GALNT18: variants seen among roughly 807,000 people sequenced by gnomAD.
GALNT18 encodes polypeptide N-acetylgalactosaminyltransferase 18.
Under a neutral mutation model 69.5 loss-of-function variants are expected in GALNT18, and 44 were observed. That is an observed-to-expected ratio of 0.63 (90% CI 0.50 to 0.81). The LOEUF (loss-of-function observed/expected upper bound fraction) is 0.81. Among genes scored for constraint, GALNT18 ranks in the 40% least tolerant of loss-of-function variants. The probability of loss-of-function intolerance (pLI) is 0.00; values close to 1 mark genes in which losing one functional copy is unlikely to be tolerated. For synonymous variants in GALNT18, 364 were observed against 318.2 expected, an observed-to-expected ratio of 1.14 and a Z score of -1.53; for missense variants, 715 against 810.0, an observed-to-expected ratio of 0.88 and a Z score of 1.42.
intron 2 of GALNT18, among the ~76,000 whole-genome samples, chr11:11,440,638 G>GT (rs1855514275): frequency 6.6e-6 from 1 of 152,240 alleles, no homozygotes; most frequent in Admixed American, 6.5e-5. Flanking sequence ...TGCAGTGCCT[G>GT]TCTGGCCCTG....
At chr11:11,272,803 T>TG (rs1564872673) in intron 10 of GALNT18, among the ~76,000 whole-genome samples, 1 of 152,286 alleles carries the variant, frequency 6.6e-6, no homozygotes, top group East Asian at 1.9e-4. Flanking sequence ...TTTGTGCCTT[T>TG]TCCAGCTCAC....
At chr11:11,334,754 C>G (rs888672991) in intron 7 of GALNT18, among the ~76,000 whole-genome samples, 5 of 152,160 alleles carry the variant, frequency 3.3e-5, no homozygotes, top group African/African-American at 4.8e-5. Context: ...GCCTTCTCTG[C>G]AACTGTTATC....
chr11:11,554,099 G>C (rs1283426811), intron 1 of GALNT18, among the ~76,000 whole-genome samples: 2 of 152,180 alleles, frequency 1.3e-5, no homozygotes, highest in Admixed American at 6.5e-5. Context: ...CTCCCCGGTG[G>C]TCACCACTCC....
intron 1 of GALNT18, among the ~76,000 whole-genome samples, chr11:11,464,884 A>G (rs1274927857): frequency 6.6e-6 from 1 of 152,216 alleles, no homozygotes; most frequent in Admixed American, 6.5e-5. Flanking sequence ...TGAGGACTGA[A>G]TAAGTTAATA....
rs768078450 is a variant in GALNT18, at chr11:11,563,313, G to A, written c.235+58046C>T. Among the ~76,000 whole-genome samples, 4 of 152,038 alleles carry A rather than the reference G, an allele frequency of 2.6e-5. No homozygotes were observed. Among genetic ancestry groups the A allele is most frequent in the Admixed American group, 6.5e-5 (1 of 15,276 alleles). On this transcript the variant is annotated intron_variant, in intron 1 of 10. Coordinates refer to ENST00000227756, the MANE Select transcript of GALNT18 (RefSeq NM_198516.3). This position sits in a 1 kb window ranked among gnomAD's most constrained non-coding sequence, Gnocchi z 4.6. Reference sequence around the variant, plus strand: ...GCTCCATCTGCAGTCTTTTCTTTCCGGAAGCTTTGCTCCAGTCATCTAAGT... The same window carrying A: ...GCTCCATCTGCAGTCTTTTCTTTCCAGAAGCTTTGCTCCAGTCATCTAAGT...
At chr11:11,353,089 C>T (rs539005921) in intron 6 of GALNT18, 1 of 1,614,066 alleles carries the variant, frequency 6.2e-7, no homozygotes, top group Non-Finnish European at 8.5e-7. Context: ...TCTGTGTAAA[C>T]TCTGGCCCTG....
rs551113087 is a variant in GALNT18, at chr11:11,538,556, C to G, written c.235+82803G>C. Among the ~76,000 whole-genome samples, 2 of 152,272 alleles carry G rather than the reference C, an allele frequency of 1.3e-5. No individual in the cohort carries two copies. The highest frequency in any genetic ancestry group is 4.1e-4 in the South Asian group (2 of 4,828). On this transcript the variant is annotated intron_variant, in intron 1 of 10. Transcript: ENST00000227756. This position sits in a 1 kb window ranked among gnomAD's most constrained non-coding sequence, Gnocchi z 5.2. ...ACTTTTCCCTGCTTGCACCAACAAC[C>G]CGATAGCCCTGGAGCTCGCGGCACT...
chr11:11,307,094 A>G (rs1010721273), intron 9 of GALNT18, among the ~76,000 whole-genome samples: 1 of 152,232 alleles, frequency 6.6e-6, no homozygotes, highest in Non-Finnish European at 1.5e-5. Flanking sequence ...AGTTGACCAC[A>G]GATGCCTGAG....
At position 11,621,973 on chromosome 11, in the gene GALNT18, G is replaced by T. The variant is rs1045373081; in HGVS notation, c.-380C>A. The T allele has an allele frequency of 1.7e-5, 3 of 172,230 alleles. No individual in the cohort carries two copies. The highest frequency in any genetic ancestry group is 3.7e-5 in the Non-Finnish European group (3 of 81,662). 10.7% of individuals were successfully genotyped at this position (172,230 alleles called of 1,614,324 possible). On this transcript the variant is annotated 5_prime_UTR_variant, in exon 1 of 11. Coordinates refer to ENST00000227756, the MANE Select transcript of GALNT18 (RefSeq NM_198516.3). The surrounding 1 kb of genome is among the most constrained non-coding windows in gnomAD (Gnocchi z 9.3). The stretch of plus-strand genomic sequence containing the variant: ...CATCGCCAGCGCCGGCTGCCTTGGC[G>T]GTCCGACCGGCCCGCGCTGCTAGGA...
rs183177841 is a variant in GALNT18, at chr11:11,363,190, G to T, written c.1092+9325C>A. Among the ~76,000 whole-genome samples, 5 of 152,136 alleles carry T rather than the reference G, an allele frequency of 3.3e-5. No individual in the cohort carries two copies. In the East Asian group the frequency reaches 9.7e-4, roughly 29 times the overall value. On this transcript the variant is annotated intron_variant, in intron 6 of 10. Transcript: ENST00000227756. ...TAGAAAACAGGATGAAGAGAACAAC[G>T]CTGAAAGTTCCTTATTTTGTAGATT...
intron 6 of GALNT18, among the ~76,000 whole-genome samples, chr11:11,354,086 A>G (rs1850476018): frequency 6.6e-6 from 1 of 152,356 alleles, no homozygotes; most frequent in African/African-American, 2.4e-5. Flanking sequence ...AACTCAGATT[A>G]TAAACACTGG....
chr11:11,359,091 C>T (rs1313199943), intron 6 of GALNT18, among the ~76,000 whole-genome samples: 1 of 140,190 alleles, frequency 7.1e-6, no homozygotes, highest in South Asian at 2.2e-4. Flanking sequence ...GTCCCCAGAC[C>T]CCCTTCTCCT....
intron 1 of GALNT18, among the ~76,000 whole-genome samples, chr11:11,561,256 T>C (rs1264662328): frequency 6.6e-6 from 1 of 152,008 alleles, no homozygotes; most frequent in African/African-American, 2.4e-5. Flanking sequence ...CTTCTCTTAA[T>C]AGAAATCCAG....
rs1849786896 is a variant in GALNT18, at chr11:11,318,132, G to C, written c.1512+8954C>G. ...ACCATGTCTGGCCAGTGAAATGAGAGAGGAAGTGATGGGAGACCCTTTTTG... is the reference window on the plus strand; with the variant it reads ...ACCATGTCTGGCCAGTGAAATGAGACAGGAAGTGATGGGAGACCCTTTTTG... On this transcript the variant is annotated intron_variant, in intron 9 of 10. Coordinates refer to ENST00000227756, the MANE Select transcript of GALNT18 (RefSeq NM_198516.3). The surrounding 1 kb of genome is among the most constrained non-coding windows in gnomAD (Gnocchi z 5.1). 2.0e-5 allele frequency among the ~76,000 whole-genome samples: 3 copies of C among 152,218 alleles called. No individual in the cohort carries two copies. The highest frequency in any genetic ancestry group is 7.2e-5 in the African/African-American group (3 of 41,460).
chr11:11,454,544 A>G lies in GALNT18; in HGVS notation c.236-5608T>C, dbSNP rs1014132084. 6.6e-6 allele frequency among the ~76,000 whole-genome samples: 1 copy of G among 151,966 alleles called. No individual in the cohort carries two copies. The highest frequency in any genetic ancestry group is 2.4e-5 in the African/African-American group (1 of 41,356). On this transcript the variant is annotated intron_variant, in intron 1 of 10. Coordinates refer to ENST00000227756, the MANE Select transcript of GALNT18 (RefSeq NM_198516.3). This position sits in a 1 kb window ranked among gnomAD's most constrained non-coding sequence, Gnocchi z 4.2. ...TCTCTCTTTCAAATCTCACCAAGTA[A>G]GGCTCAGAATCAAAAAGATTCCACT...
At chr11:11,612,094 T>C (rs1859919176) in intron 1 of GALNT18, among the ~76,000 whole-genome samples, 1 of 152,162 alleles carries the variant, frequency 6.6e-6, no homozygotes, top group Non-Finnish European at 1.5e-5. Context: ...TGTAGCCAGT[T>C]TCCCTTCTTG....
Position 11,444,305 on chromosome 11 carries a change from AC to A in GALNT18, c.428+4438del, listed in dbSNP as rs1307877056. ...GCACCAGAGGGACAGTGCTTCTGTG[AC>A]CATCACATCCAGGCCACTGCCTTAC... On this transcript the variant is annotated intron_variant, in intron 2 of 10. Coordinates refer to ENST00000227756, the MANE Select transcript of GALNT18 (RefSeq NM_198516.3). The surrounding 1 kb of genome is among the most constrained non-coding windows in gnomAD (Gnocchi z 4.4). 6.6e-6 allele frequency among the ~76,000 whole-genome samples: 1 copy of A among 152,080 alleles called. No homozygotes were observed. Among genetic ancestry groups the A allele is most frequent in the African/African-American group, 2.4e-5 (1 of 41,404 alleles).
intron 6 of GALNT18, among the ~76,000 whole-genome samples, chr11:11,368,235 T>A (rs1421704076): frequency 2.0e-5 from 3 of 152,240 alleles, no homozygotes; most frequent in East Asian, 3.8e-4. Flanking sequence ...TGCTGTAAGA[T>A]CTTTTATTTG....
Position 11,604,853 on chromosome 11 carries a change from G to T in GALNT18, c.235+16506C>A, listed in dbSNP as rs373251780. Among the ~76,000 whole-genome samples the T allele has an allele frequency of 6.6e-6, 1 of 151,974 alleles. No individual in the cohort carries two copies. Among genetic ancestry groups the T allele is most frequent in the Admixed American group, 6.6e-5 (1 of 15,252 alleles). ...TCCACTGGTCCCCCACACCCCAAAG[G>T]CTACACAATCTGTTTGAAATGAAAA... is the stretch of plus-strand genomic sequence containing the variant. On this transcript the variant is annotated intron_variant, in intron 1 of 10. Coordinates refer to ENST00000227756, the MANE Select transcript of GALNT18 (RefSeq NM_198516.3). The surrounding 1 kb of genome is among the most constrained non-coding windows in gnomAD (Gnocchi z 5.6).
Sources: gnomAD v4.1 joint callset for allele counts (sites outside exome capture counted in the v4.1 genomes callset) on GRCh38, gnomAD v4.1.1 for gene constraint, Gnocchi (gnomAD v3.1) non-coding constraint, MANE v1.5 for transcripts, NCBI Gene and HGNC (gene_info 2026-07-23, HGNC 2026-07-21) for gene names.